The following MYO18A variants were observed in gnomAD, a reference collection of about 807,000 sequenced individuals.
The protein encoded by MYO18A is unconventional myosin-XVIIIa.
MYO18A carries 78 observed loss-of-function variants against 235.8 expected under a neutral mutation model. That is an observed-to-expected ratio of 0.33 (90% confidence interval 0.28 to 0.40). MYO18A has a LOEUF of 0.40. MYO18A is among the 10% of genes least tolerant of loss of function. The pLI, the probability that MYO18A is intolerant of heterozygous loss-of-function variation, is 1.00. For synonymous variants in MYO18A, 977 were observed against 1,077.8 expected (o/e 0.91, Z 1.83); for missense variants, 2,215 against 2,699.3 (o/e 0.82, Z 3.98).
At chr17:29,075,677 C>T (rs752530867) in intron 41 of MYO18A, 1 of 165,512 alleles carries the variant, frequency 6.0e-6, no homozygotes, top group Non-Finnish European at 1.5e-5. Flanking sequence ...AGGATCACAG[C>T]ACTGAACAGG....
rs762362806 is a variant in MYO18A, at chr17:29,107,178, G to A, written c.3343C>T (p.His1115Tyr). 16 of 1,613,960 alleles carry A rather than the reference G, an allele frequency of 9.9e-6. No individual in the cohort carries two copies. The East Asian group carries it at 3.1e-4, about 31-fold the overall frequency. ...MRMYRQGYPD[H>Y]MVFSEFRRRF... ...CGGCGGAACTCGGAAAACACCATGT[G>A]GTCAGGGTAACCTAGAGAGAGCAGC... The change falls in exon 20 of 42, where the codon CAC (histidine) becomes TAC (tyrosine). Residue 1115 changes from histidine to tyrosine, a missense_variant. His to Tyr is a moderately conservative substitution (Grantham distance 83, BLOSUM62 2). Transcript: ENST00000527372.
chr17:29,165,215 G>A (rs2068253499), intron 2 of MYO18A, among the ~76,000 whole-genome samples: 1 of 152,184 alleles, frequency 6.6e-6, no homozygotes. Flanking sequence ...CATCTCAGAT[G>A]TTCCATGACG....
chr17:29,074,459 C>T lies in MYO18A; in HGVS notation c.*311G>A, dbSNP rs1400610208. 6.9e-6 allele frequency: 4 copies of T among 576,904 alleles called. No homozygotes were observed. Among genetic ancestry groups the T allele is most frequent in the African/African-American group, 5.6e-5 (3 of 53,542 alleles). The allele number at this position is 576,904 out of a possible 1,614,324, so 35.7% of individuals were successfully genotyped here. On this transcript the variant is annotated 3_prime_UTR_variant, in exon 42 of 42. Coordinates refer to ENST00000527372, the MANE Select transcript of MYO18A (RefSeq NM_078471.4). This position sits in a 1 kb window ranked among gnomAD's most constrained non-coding sequence, Gnocchi z 4.4. The stretch of plus-strand genomic sequence containing the variant: ...AGCAGGGAGCTGAGAGGGAGGTCAA[C>T]GTGCTGGCTCCATGCAGTGCCAGGC...
At chr17:29,102,735 G>A (rs1335060173) in intron 21 of MYO18A, among the ~76,000 whole-genome samples, 1 of 152,236 alleles carries the variant, frequency 6.6e-6, no homozygotes. Flanking sequence ...GGCAGGAGGA[G>A]CCAGGAAAGT....
At position 29,117,652 on chromosome 17, in the gene MYO18A, C is replaced by T. The variant is rs1024982324; in HGVS notation, c.2038+393G>A. Among the ~76,000 whole-genome samples, 5 of 152,196 alleles carry T rather than the reference C, an allele frequency of 3.3e-5. No homozygotes were observed. Among genetic ancestry groups the T allele is most frequent in the Admixed American group, 6.5e-5 (1 of 15,286 alleles). ...GGGCAAGCACCAAGACAGGGCACGGCGGCCCCTATACCCAAGGGCGGGGCC... is the reference window on the plus strand; with the variant it reads ...GGGCAAGCACCAAGACAGGGCACGGTGGCCCCTATACCCAAGGGCGGGGCC... On this transcript the variant is annotated intron_variant, in intron 10 of 41. Coordinates refer to ENST00000527372, the MANE Select transcript of MYO18A (RefSeq NM_078471.4). The surrounding 1 kb of genome is among the most constrained non-coding windows in gnomAD (Gnocchi z 4.6).
At position 29,110,543 on chromosome 17, in the gene MYO18A, C is replaced by T. The variant is rs572436360; in HGVS notation, c.2980G>A (p.Gly994Ser). 13 of 1,611,490 alleles carry T rather than the reference C, an allele frequency of 8.1e-6. No homozygotes were observed. Among genetic ancestry groups the T allele is most frequent in the South Asian group, 4.4e-5 (4 of 90,500 alleles). Residue 994 changes from glycine to serine, a missense_variant, in exon 18 of 42, where the codon GGC (glycine) becomes AGC (serine). Physicochemically the swap from Gly to Ser is moderately conservative, Grantham distance 56 (BLOSUM62 0). Coordinates refer to ENST00000527372, the MANE Select transcript of MYO18A (RefSeq NM_078471.4). ...GCCCGGCGCAGTGCCAGCTGCGAGC[C>T]GCCCTCCAGGCCCGCGATGGAGCCA... ...LSGSIAGLEG[G>S]SQLALRRATS...
In MYO18A at chr17:29,117,900, G is replaced by T. The variant is rs72817604; in HGVS notation, c.2038+145C>A. The stretch of plus-strand genomic sequence containing the variant: ...CTTCCCGGGCCTTCTGCTCTGAAGT[G>T]GGGGGCTGAGAAGAGGCACAAGCAA... On this transcript the variant is annotated intron_variant, in intron 10 of 41. Transcript: ENST00000527372. This position sits in a 1 kb window ranked among gnomAD's most constrained non-coding sequence, Gnocchi z 4.6. The T allele has an allele frequency of 0.17, 162,859 of 969,550 alleles. 14,944 individuals carry two copies. The highest frequency in any genetic ancestry group is 0.33 in the East Asian group (12,227 of 37,578). The allele number at this position is 969,550 out of a possible 1,614,324, so 60.1% of individuals were successfully genotyped here.
At chr17:29,169,266 G>A (rs2068348251) in intron 1 of MYO18A, among the ~76,000 whole-genome samples, 1 of 152,096 alleles carries the variant, frequency 6.6e-6, no homozygotes, top group African/African-American at 2.4e-5. Flanking sequence ...TAGCCAGGAT[G>A]GTCTCGATCT....
chr17:29,124,492 G>A (rs769884961), intron 2 of MYO18A, among the ~76,000 whole-genome samples: 3 of 152,156 alleles, frequency 2.0e-5, no homozygotes, highest in Non-Finnish European at 2.9e-5. Flanking sequence ...ACTACCTCCC[G>A]CTGGGGTCCT....
chr17:29,116,517 T>G, intron 10 of MYO18A, 62 bp from the exon 11 acceptor site: 1 of 1,608,958 alleles, frequency 6.2e-7, no homozygotes, highest in Non-Finnish European at 8.5e-7. Flanking sequence ...CAAACAGTCA[T>G]CAATAGAGCT....
intron 32 of MYO18A, 100 bp from the exon 33 acceptor site, chr17:29,093,101 C>T: frequency 6.9e-7 from 1 of 1,452,278 alleles, no homozygotes; most frequent in Non-Finnish European, 9.2e-7. Context: ...TCAGTGTCCC[C>T]ATAAGGATGC....
Position 29,121,280 on chromosome 17 carries a change from C to G in MYO18A, c.1372-69G>C, listed in dbSNP as rs1394736476. 4 of 1,488,350 alleles carry G rather than the reference C, an allele frequency of 2.7e-6. No individual in the cohort carries two copies. Among genetic ancestry groups the G allele is most frequent in the Non-Finnish European group, 3.7e-6 (4 of 1,095,298 alleles). 92.2% of individuals were successfully genotyped at this position (1,488,350 alleles called of 1,614,324 possible). A position where few individuals can be genotyped will look rare whatever the true frequency, so the allele number is the denominator to read the frequency against. On this transcript the variant is annotated intron_variant, in intron 5 of 41. Coordinates refer to ENST00000527372, the MANE Select transcript of MYO18A (RefSeq NM_078471.4). This position sits in a 1 kb window ranked among gnomAD's most constrained non-coding sequence, Gnocchi z 4.2. ...GATCCCATTAAGACACCCCTCACCC[C>G]CAAGGTCCACATCTTTCTGGATTTT...
intron 2 of MYO18A, chr17:29,133,666 C>T (rs1054711482): frequency 1.7e-6 from 1 of 576,988 alleles, no homozygotes; most frequent in Non-Finnish European, 2.8e-6. Flanking sequence ...CCCTGCCACC[C>T]CCAATTATAC....
At chr17:29,091,974 G>A (rs2066408414) in intron 34 of MYO18A, 2 of 334,324 alleles carry the variant, frequency 6.0e-6, no homozygotes, top group African/African-American at 4.3e-5. Context: ...GGGGAAGGAA[G>A]CCAAGCCATC....
chr17:29,080,763 G>A (rs1243922239), intron 41 of MYO18A: 1 of 985,438 alleles, frequency 1.0e-6, no homozygotes, highest in African/African-American at 1.7e-5. Flanking sequence ...AGCGGACGGA[G>A]CCGCACTCCT....
Position 29,098,808 on chromosome 17 carries a change from T to G in MYO18A, c.3780+18A>C. The G allele has an allele frequency of 6.2e-7, 1 of 1,613,754 alleles. No homozygotes were observed. Among genetic ancestry groups the G allele is most frequent in the Non-Finnish European group, 8.5e-7 (1 of 1,179,754 alleles). The stretch of plus-strand genomic sequence containing the variant: ...TTCCCCCTACCCAGAGACTTGGCCC[T>G]CTCAGGCTGTCACATACGTCTTTGT... On this transcript the variant is annotated intron_variant, in intron 23 of 41. Transcript: ENST00000527372.
At position 29,166,840 on chromosome 17, in the gene MYO18A, C is replaced by T. The variant is rs2152977620; in HGVS notation, c.101G>A (p.Arg34Gln). Residue 34 changes from arginine to glutamine, a missense_variant, in exon 2 of 42, where the codon CGG becomes CAG. By Grantham distance (43) the Arg-to-Gln change is conservative. Coordinates refer to ENST00000527372, the MANE Select transcript of MYO18A (RefSeq NM_078471.4). The stretch of plus-strand genomic sequence containing the variant: ...TCGCAGGCTCATCTCCTCCAGGCTC[C>T]GAAGCTCTGCCGCTGACATCCGCTC... ...KKERMSAAEL[R>Q]SLEEMSLRRG... The T allele has an allele frequency of 6.3e-7, 1 of 1,581,540 alleles. No homozygotes were observed. Among genetic ancestry groups the T allele is most frequent in the Non-Finnish European group, 8.6e-7 (1 of 1,164,406 alleles).
At chr17:29,102,608 AACCAAGGAATAGAG>A (rs760373809) in intron 21 of MYO18A, among the ~76,000 whole-genome samples, 14 of 152,316 alleles carry the variant, frequency 9.2e-5, no homozygotes, top group Non-Finnish European at 1.8e-4. Flanking sequence ...CAGAACTAGA[AACCAAGGAATAGAG>A]ACCAGCAGGG....
rs2066792681 is a variant in MYO18A, at chr17:29,106,643, G to A, written c.3441+437C>T. ...ACCAACCAGGGCCGGCAAATGGCCC[G>A]GCAGCCTATGTTCACCTGGCACCAC... On this transcript the variant is annotated intron_variant, in intron 20 of 41. Coordinates refer to ENST00000527372, the MANE Select transcript of MYO18A (RefSeq NM_078471.4). The surrounding 1 kb of genome is among the most constrained non-coding windows in gnomAD (Gnocchi z 4.6). Among the ~76,000 whole-genome samples, 1 of 152,188 alleles carries A rather than the reference G, an allele frequency of 6.6e-6. No individual in the cohort carries two copies. Among genetic ancestry groups the A allele is most frequent in the South Asian group, 2.1e-4 (1 of 4,832 alleles).
Sources: gnomAD v4.1 joint callset for allele counts (sites outside exome capture counted in the v4.1 genomes callset) on GRCh38, gnomAD v4.1.1 for gene constraint, Gnocchi (gnomAD v3.1) non-coding constraint, MANE v1.5 for transcripts, NCBI Gene and HGNC (gene_info 2026-07-23, HGNC 2026-07-21) for gene names.